The following ATP8A2 variants were observed in gnomAD, a reference collection of about 807,000 sequenced individuals.
The protein encoded by ATP8A2 is ATPase phospholipid transporting 8A2.
A neutral mutation model predicts 165.6 loss-of-function variants in ATP8A2; 100 were observed. The ratio of observed to expected loss-of-function variants is 0.60; its 90% CI spans 0.51 to 0.71. The LOEUF (loss-of-function observed/expected upper bound fraction) is 0.71, where lower values mean the gene tolerates loss of function less well. Ranked by LOEUF, ATP8A2 falls within the 30% of genes least tolerant of loss-of-function variation. ATP8A2 has a pLI of 0.00. For synonymous variants in ATP8A2, 543 were observed against 548.8 expected (o/e 0.99, Z 0.15); for missense variants, 1,227 against 1,479.5 (o/e 0.83, Z 2.80).
intron 2 of ATP8A2, 138 bp downstream of exon 2, chr13:25,469,259 C>G: frequency 9.2e-7 from 1 of 1,088,298 alleles, no homozygotes; most frequent in Non-Finnish European, 1.3e-6. Context: ...GCCCCCTCCC[C>G]ACCCCACTAG....
intron 2 of ATP8A2, among the ~76,000 whole-genome samples, chr13:25,504,326 TC>T (rs1447784606): frequency 6.6e-6 from 1 of 152,150 alleles, no homozygotes; most frequent in African/African-American, 2.4e-5. Flanking sequence ...TATTTTAAAA[TC>T]CTTTTTCATC....
chr13:25,806,478 T>C (rs1048593496), intron 27 of ATP8A2, among the ~76,000 whole-genome samples: 2 of 152,064 alleles, frequency 1.3e-5, no homozygotes, highest in Non-Finnish European at 2.9e-5. Flanking sequence ...TTACCAGGAA[T>C]GTCATCTGTA....
intron 2 of ATP8A2, among the ~76,000 whole-genome samples, chr13:25,525,914 C>T (rs1031454775): frequency 6.6e-6 from 1 of 152,106 alleles, no homozygotes; most frequent in Non-Finnish European, 1.5e-5. Context: ...TCTTGTTTAA[C>T]TCCCTCTTGA....
intron 28 of ATP8A2, among the ~76,000 whole-genome samples, chr13:25,829,710 A>G (rs1204685582): frequency 2.3e-5 from 2 of 85,864 alleles, no homozygotes; most frequent in Non-Finnish European, 4.8e-5. Flanking sequence ...ATATATATAT[A>G]TATATATATA....
At chr13:25,501,621 G>T (rs1377822037) in intron 2 of ATP8A2, among the ~76,000 whole-genome samples, 3 of 152,178 alleles carry the variant, frequency 2.0e-5, no homozygotes, top group African/African-American at 7.2e-5. Context: ...GAGCGTTAGG[G>T]TACAGAAAAT....
At chr13:25,569,778 C>T (rs940087629) in intron 16 of ATP8A2, among the ~76,000 whole-genome samples, 2 of 152,164 alleles carry the variant, frequency 1.3e-5, no homozygotes, top group Non-Finnish European at 2.9e-5. Context: ...AATGTTTCTA[C>T]TTACATCCCA....
At chr13:25,426,060 C>T (rs1456631156) in intron 1 of ATP8A2, among the ~76,000 whole-genome samples, 2 of 152,124 alleles carry the variant, frequency 1.3e-5, no homozygotes, top group African/African-American at 4.8e-5. Flanking sequence ...GTAGAAAGAT[C>T]AGTGGTTGCC....
Position 25,530,524 on chromosome 13 carries a change from A to T in ATP8A2, c.322-38A>T, listed in dbSNP as rs777387474. 6.4e-6 allele frequency: 8 copies of T among 1,248,954 alleles called. No homozygotes were observed. The African/African-American group carries it at 8.9e-5, about 14-fold the overall frequency. The allele number at this position is 1,248,954 out of a possible 1,614,324, so 77.4% of individuals were successfully genotyped here. On this transcript the variant is annotated intron_variant, in intron 3 of 36. Transcript: ENST00000381655. Reference sequence around the variant, plus strand: ...TTTCTGTTCATGGAGAGGATTTTTAATGTGCCAACTTCCTACTTGTGGTCT... The same window carrying T: ...TTTCTGTTCATGGAGAGGATTTTTATTGTGCCAACTTCCTACTTGTGGTCT...
At chr13:25,402,347 G>A (rs1403029483) in intron 1 of ATP8A2, among the ~76,000 whole-genome samples, 3 of 152,198 alleles carry the variant, frequency 2.0e-5, no homozygotes, top group East Asian at 1.9e-4. Flanking sequence ...GGCGGCTCTT[G>A]TATATGAGAG....
intron 27 of ATP8A2, among the ~76,000 whole-genome samples, chr13:25,779,572 C>T (rs981391823): frequency 1.5e-4 from 22 of 151,160 alleles, no homozygotes; most frequent in Non-Finnish European, 3.0e-4. Flanking sequence ...GCTGGGATTC[C>T]TTTTTTTTTC....
intron 2 of ATP8A2, among the ~76,000 whole-genome samples, chr13:25,478,718 G>A (rs1167459175): frequency 2.0e-5 from 3 of 152,150 alleles, no homozygotes; most frequent in Admixed American, 6.5e-5. Context: ...TATACCATAC[G>A]AAAGGCTTTT....
chr13:25,494,802 G>A (rs140388002), intron 2 of ATP8A2, among the ~76,000 whole-genome samples: 121 of 152,172 alleles, frequency 8.0e-4, no homozygotes, highest in Admixed American at 4.8e-3. Context: ...AGCTGTGAGC[G>A]AATTCGACTT....
chr13:25,886,087 T>G (rs1245401732), intron 33 of ATP8A2, among the ~76,000 whole-genome samples: 3 of 152,238 alleles, frequency 2.0e-5, no homozygotes, highest in Non-Finnish European at 4.4e-5. Context: ...GCATTTTGTT[T>G]GAAAGAAGCT....
chr13:25,915,138 T>G (rs1291110600), intron 33 of ATP8A2, among the ~76,000 whole-genome samples: 1 of 152,222 alleles, frequency 6.6e-6, no homozygotes, highest in African/African-American at 2.4e-5. Flanking sequence ...TTTATCATAA[T>G]GTTGAAACAA....
At chr13:25,908,414 T>G (rs770429403) in intron 33 of ATP8A2, among the ~76,000 whole-genome samples, 1 of 152,270 alleles carries the variant, frequency 6.6e-6, no homozygotes, top group Non-Finnish European at 1.5e-5. Flanking sequence ...TGATCTTGGA[T>G]ACTTTCATCT....
In ATP8A2 at chr13:25,526,494, T is replaced by C. The variant is rs142160968; in HGVS notation, c.222-3505T>C. Among the ~76,000 whole-genome samples, 377 of 152,358 alleles carry C rather than the reference T, an allele frequency of 2.5e-3. 1 individual carries two copies. Among genetic ancestry groups the C allele is most frequent in the Non-Finnish European group, 3.8e-3 (259 of 68,026 alleles). ...AATTTACCTGTTGAATTTCTTTCTT[T>C]TCCCATTAGGTCACTGCCTCCTTTT... is the stretch of plus-strand genomic sequence containing the variant. On this transcript the variant is annotated intron_variant, in intron 2 of 36. Transcript: ENST00000381655.
chr13:25,547,742 T>C (rs2138032541), intron 10 of ATP8A2, among the ~76,000 whole-genome samples: 1 of 152,298 alleles, frequency 6.6e-6, no homozygotes, highest in African/African-American at 2.4e-5. Flanking sequence ...GGACAGCTTT[T>C]CTAACTAGAA....
chr13:25,788,355 T>C (rs1264220974), intron 27 of ATP8A2, among the ~76,000 whole-genome samples: 1 of 152,220 alleles, frequency 6.6e-6, no homozygotes, highest in Non-Finnish European at 1.5e-5. Flanking sequence ...TGGAAGCTCT[T>C]CTAGTCTGTT....
At chr13:25,608,230 T>C (rs2040568531) in intron 24 of ATP8A2, among the ~76,000 whole-genome samples, 1 of 152,302 alleles carries the variant, frequency 6.6e-6, no homozygotes, top group Middle Eastern at 3.4e-3. Context: ...GGAACAGGTA[T>C]GCCAAGAGGG....
Sources: gnomAD v4.1 joint callset for allele counts (sites outside exome capture counted in the v4.1 genomes callset) on GRCh38, gnomAD v4.1.1 for gene constraint, MANE v1.5 for transcripts, NCBI Gene and HGNC (gene_info 2026-07-23, HGNC 2026-07-21) for gene names.